GPC6: variants seen among roughly 807,000 people sequenced by gnomAD.
GPC6 encodes the protein glypican 6.
Under a neutral mutation model 55.2 loss-of-function variants are expected in GPC6, and 14 were observed. The observed-to-expected ratio is 0.25, with a 90% confidence interval of 0.17 to 0.40. The LOEUF (loss-of-function observed/expected upper bound fraction) is 0.40, where lower values mean the gene tolerates loss of function less well. Ranked by LOEUF, GPC6 falls within the 10% of genes least tolerant of loss-of-function variation. The probability of loss-of-function intolerance (pLI) is 1.00; values close to 1 mark genes in which losing one functional copy is unlikely to be tolerated. For synonymous variants in GPC6, 278 were observed against 259.6 expected (o/e 1.07, Z -0.68); for missense variants, 641 against 708.5 (o/e 0.90, Z 1.08).
At chr13:94,372,068 C>T (rs1879570664) in intron 6 of GPC6, among the ~76,000 whole-genome samples, 1 of 151,960 alleles carries the variant, frequency 6.6e-6, no homozygotes, top group African/African-American at 2.4e-5. Context: ...TTCCTTCCCT[C>T]CCTCCTTCCT....
At chr13:93,545,540 TA>T in intron 2 of GPC6, 119 bp downstream of exon 2, 1 of 838,182 alleles carries the variant, frequency 1.2e-6, no homozygotes, top group Non-Finnish European at 2.0e-6. Flanking sequence ...TAAATATTTA[TA>T]GCATTGTCTA....
At chr13:93,478,719 A>G (rs1879390819) in intron 1 of GPC6, among the ~76,000 whole-genome samples, 1 of 152,178 alleles carries the variant, frequency 6.6e-6, no homozygotes, top group Non-Finnish European at 1.5e-5. Context: ...AAACTTAAGG[A>G]AATCATGTTA....
chr13:93,858,948 G>A (rs561963339), intron 3 of GPC6, among the ~76,000 whole-genome samples: 2 of 151,596 alleles, frequency 1.3e-5, no homozygotes, highest in South Asian at 4.2e-4. Flanking sequence ...TAATAGTAAT[G>A]ATTATTATTA....
chr13:94,144,687 A>G (rs1460508790), intron 4 of GPC6, among the ~76,000 whole-genome samples: 1 of 152,072 alleles, frequency 6.6e-6, no homozygotes, highest in Non-Finnish European at 1.5e-5. Context: ...TGCAAACAAA[A>G]ATAGATAATT....
intron 3 of GPC6, among the ~76,000 whole-genome samples, chr13:93,917,817 G>A (rs1042190425): frequency 1.6e-4 from 25 of 152,076 alleles, no homozygotes; most frequent in African/African-American, 6.0e-4. Context: ...AAAAATATTC[G>A]GCCAGCTGCG....
chr13:93,916,124 C>CCA (rs1419107377), intron 3 of GPC6, among the ~76,000 whole-genome samples: 1 of 152,116 alleles, frequency 6.6e-6, no homozygotes, highest in Non-Finnish European at 1.5e-5. Flanking sequence ...CACTTTGACA[C>CCA]AGTAGCCAGT....
At chr13:93,511,439 T>C (rs1013557336) in intron 1 of GPC6, among the ~76,000 whole-genome samples, 3 of 69,560 alleles carry the variant, frequency 4.3e-5, no homozygotes, top group Non-Finnish European at 7.5e-5. Context: ...GTGGTTTCCT[T>C]TCCCCAATAT....
chr13:94,145,289 A>G (rs1422660354), intron 4 of GPC6, among the ~76,000 whole-genome samples: 1 of 152,144 alleles, frequency 6.6e-6, no homozygotes, highest in Admixed American at 6.5e-5. Context: ...ATTTGTTGTC[A>G]TTATTTTTTA....
At chr13:94,085,793 G>T (rs1208305525) in intron 4 of GPC6, among the ~76,000 whole-genome samples, 1 of 152,050 alleles carries the variant, frequency 6.6e-6, no homozygotes, top group Admixed American at 6.6e-5. Flanking sequence ...TGAAAATCCA[G>T]TGCCCTTCTT....
intron 4 of GPC6, among the ~76,000 whole-genome samples, chr13:94,148,346 T>C (rs575589712): frequency 1.0e-3 from 153 of 152,278 alleles, no homozygotes; most frequent in Middle Eastern, 3.4e-3. Context: ...TTACCAGGGA[T>C]TGGAGATATT....
chr13:94,266,968 G>GT (rs1891837105), intron 4 of GPC6, among the ~76,000 whole-genome samples: 1 of 152,112 alleles, frequency 6.6e-6, no homozygotes, highest in African/African-American at 2.4e-5. Context: ...TGACCCATAC[G>GT]TTTTTAGTCC....
chr13:94,212,083 G>A (rs939326563), intron 4 of GPC6, among the ~76,000 whole-genome samples: 45 of 152,112 alleles, frequency 3.0e-4, no homozygotes, highest in African/African-American at 1.0e-3. Context: ...TGGGAAGGTG[G>A]GTTCTGCCCA....
At chr13:93,415,339 C>T (rs1049805423) in intron 1 of GPC6, among the ~76,000 whole-genome samples, 1 of 152,056 alleles carries the variant, frequency 6.6e-6, no homozygotes, top group Non-Finnish European at 1.5e-5. Context: ...ATAAACTAAA[C>T]TTTCTTCCTT....
At chr13:93,829,203 T>G (rs1381017959) in intron 2 of GPC6, among the ~76,000 whole-genome samples, 29 of 152,188 alleles carry the variant, frequency 1.9e-4, no homozygotes, top group Admixed American at 1.9e-3. Context: ...TACCCCAATT[T>G]ATAATCTCTA....
chr13:93,940,959 G>T (rs1379438530), intron 3 of GPC6, among the ~76,000 whole-genome samples: 5 of 151,980 alleles, frequency 3.3e-5, no homozygotes, highest in Non-Finnish European at 5.9e-5. Context: ...TTTTCTCTAG[G>T]TGTTTGTAAT....
At chr13:93,929,825 A>T (rs1446836987) in intron 3 of GPC6, among the ~76,000 whole-genome samples, 2 of 152,000 alleles carry the variant, frequency 1.3e-5, no homozygotes, top group Non-Finnish European at 2.9e-5. Flanking sequence ...GGAAAGAGGA[A>T]CAGAGAGGAA....
chr13:94,244,062 A>G (rs972565060), intron 4 of GPC6, among the ~76,000 whole-genome samples: 24 of 152,192 alleles, frequency 1.6e-4, no homozygotes, highest in Non-Finnish European at 1.9e-4. Flanking sequence ...ATAAATGTTT[A>G]AGGAACTACT....
At chr13:93,650,711 T>C (rs12867662) in intron 2 of GPC6, among the ~76,000 whole-genome samples, 37,105 of 152,080 alleles carry the variant, frequency 0.24, 5,460 homozygotes, top group East Asian at 0.47. Flanking sequence ...GCTTATTGTT[T>C]TAACATTCCT....
At chr13:93,483,440 T>C (rs572993038) in intron 1 of GPC6, among the ~76,000 whole-genome samples, 119 of 152,260 alleles carry the variant, frequency 7.8e-4, no homozygotes, top group Middle Eastern at 6.8e-3. Context: ...TTAGTTATTA[T>C]ATAGAAATTA....
Sources: allele counts gnomAD v4.1 joint callset (sites outside exome capture counted in the v4.1 genomes callset), GRCh38; gene constraint gnomAD v4.1.1; transcripts MANE v1.5; gene names NCBI Gene and HGNC (gene_info 2026-07-23, HGNC 2026-07-21).